The following KSR2 variants were observed in gnomAD, a reference collection of about 807,000 sequenced individuals.
The protein encoded by KSR2 is kinase suppressor of ras 2.
Under a neutral mutation model 107.8 loss-of-function variants are expected in KSR2, and 25 were observed. The observed-to-expected ratio is 0.23, with a 90% CI of 0.17 to 0.32. The LOEUF is 0.32. KSR2 is among the 10% of genes least tolerant of loss of function. The pLI, the probability that KSR2 is intolerant of heterozygous loss-of-function variation, is 1.00. For missense variants in KSR2, 887 were observed against 1,268.9 expected (o/e 0.70, Z 4.57); for synonymous variants, 480 against 507.0 (o/e 0.95, Z 0.71).
At chr12:117,721,030 G>A (rs1316479865) in intron 4 of KSR2, among the ~76,000 whole-genome samples, 1 of 152,120 alleles carries the variant, frequency 6.6e-6, no homozygotes, top group Non-Finnish European at 1.5e-5. Context: ...TGTAAGGGGA[G>A]GGGAGTTTAA....
intron 5 of KSR2, among the ~76,000 whole-genome samples, chr12:117,629,357 T>C (rs1481437317): frequency 1.3e-5 from 2 of 152,238 alleles, no homozygotes; most frequent in African/African-American, 4.8e-5. Context: ...CTTTGGTTTA[T>C]GTCAGAATAT....
intron 2 of KSR2, among the ~76,000 whole-genome samples, chr12:117,859,139 C>CTTTTTTT (rs34697963): frequency 3.7e-5 from 3 of 81,092 alleles, no homozygotes; most frequent in African/African-American, 5.7e-5. Flanking sequence ...ATGAGCTGAA[C>CTTTTTTT]TTTTTTTTTT....
chr12:117,941,983 C>T (rs540768691), intron 1 of KSR2, among the ~76,000 whole-genome samples: 1 of 152,098 alleles, frequency 6.6e-6, no homozygotes, highest in Admixed American at 6.6e-5. Flanking sequence ...GTAGAATGCT[C>T]TTTCCAAGGG....
rs532526148 is a variant in KSR2 at position 117,714,352 on chromosome 12, T to TA, written c.986+46658dup. On this transcript the variant is annotated intron_variant, in intron 4 of 19. Coordinates refer to ENST00000339824, the MANE Select transcript of KSR2 (RefSeq NM_173598.6). ...GAAAGGCAAGAAAAAAGAGCAGAGG[T>TA]AAAAAAACCTTGGGGAAGATTGCAC... Among the ~76,000 whole-genome samples the TA allele has an allele frequency of 1.2e-3, 178 of 151,536 alleles. 2 individuals are homozygous for TA. The East Asian group carries it at 0.018, about 15-fold the overall frequency.
At chr12:117,469,109 G>A (rs1871293320) in intron 19 of KSR2, among the ~76,000 whole-genome samples, 1 of 152,210 alleles carries the variant, frequency 6.6e-6, no homozygotes, top group South Asian at 2.1e-4. Context: ...ATCTCAGATA[G>A]AGCTACTGAT....
chr12:117,630,804 C>T (rs1265929518), intron 5 of KSR2, among the ~76,000 whole-genome samples: 2 of 152,126 alleles, frequency 1.3e-5, no homozygotes, highest in East Asian at 1.9e-4. Context: ...ATGAGTGGTA[C>T]CAATGAGTGG....
chr12:117,488,348 T>C (rs377384814), intron 14 of KSR2, among the ~76,000 whole-genome samples: 2 of 152,202 alleles, frequency 1.3e-5, no homozygotes, highest in Non-Finnish European at 2.9e-5. Flanking sequence ...CCCCTACACA[T>C]GCACTAGAAT....
chr12:117,904,433 G>A (rs1248592781), intron 1 of KSR2, among the ~76,000 whole-genome samples: 1 of 152,152 alleles, frequency 6.6e-6, no homozygotes, highest in African/African-American at 2.4e-5. Context: ...GTGCAGCTTG[G>A]GCCATTTGTA....
rs1891830744 is a variant in KSR2, at chr12:117,828,314, A to T, written c.472+27114T>A. ...ATGATTAGCAAAAACAGAAAGCCAC[A>T]GTCAAGTTCAGGTAGAATCCTGGTG... On this transcript the variant is annotated intron_variant, in intron 3 of 19. Coordinates refer to ENST00000339824, the MANE Select transcript of KSR2 (RefSeq NM_173598.6). Among the ~76,000 whole-genome samples the T allele has an allele frequency of 2.0e-5, 3 of 152,210 alleles. No individual in the cohort carries two copies. The South Asian group carries it at 6.2e-4, about 32-fold the overall frequency.
chr12:117,455,788 G>T lies in KSR2; in HGVS notation c.*11411C>A, dbSNP rs1870588889. The stretch of plus-strand genomic sequence containing the variant: ...CTTAGAATCCTTCGGCTGCTCAACT[G>T]TAGGCATTTGAAATCCACCAATGTA... On this transcript the variant is annotated 3_prime_UTR_variant, in exon 20 of 20. Coordinates refer to ENST00000339824, the MANE Select transcript of KSR2 (RefSeq NM_173598.6). 6.6e-6 allele frequency: 1 copy of T among 152,230 alleles called. No individual in the cohort carries two copies. The highest frequency in any genetic ancestry group is 2.4e-5 in the African/African-American group (1 of 41,452). The allele number at this position is 152,230 out of a possible 1,614,324, so 9.4% of individuals were successfully genotyped here. A position where few individuals can be genotyped will look rare whatever the true frequency, so the allele number is the denominator to read the frequency against.
In KSR2 at chr12:117,840,104, TA is replaced by T. The variant is rs200756588; in HGVS notation, c.472+15323del. The stretch of plus-strand genomic sequence containing the variant: ...TATTTTATTTTACTTTATTTTATTT[TA>T]TTTTTTTTTTTGAGATGGAGTCTCC... On this transcript the variant is annotated intron_variant, in intron 3 of 19. Coordinates refer to ENST00000339824, the MANE Select transcript of KSR2 (RefSeq NM_173598.6). Among the ~76,000 whole-genome samples the T allele has an allele frequency of 1.5e-3, 195 of 132,688 alleles. 1 individual carries two copies. The highest frequency in any genetic ancestry group is 3.9e-3 in the African/African-American group (143 of 36,514). The allele number at this position is 132,688 out of a possible 152,430, so 87.0% of individuals were successfully genotyped here.
chr12:117,553,441 C>A (rs912905046), intron 9 of KSR2, among the ~76,000 whole-genome samples: 1 of 152,118 alleles, frequency 6.6e-6, no homozygotes, highest in Non-Finnish European at 1.5e-5. Context: ...ATTCAAATTA[C>A]ATTCATTAAG....
intron 4 of KSR2, among the ~76,000 whole-genome samples, chr12:117,693,232 A>C (rs7139332): frequency 0.022 from 3,370 of 152,260 alleles, 116 homozygotes; most frequent in African/African-American, 0.076. Context: ...CAAATAAATA[A>C]AGACAAATGA....
At chr12:117,879,931 G>C (rs949601949) in intron 1 of KSR2, among the ~76,000 whole-genome samples, 3 of 152,178 alleles carry the variant, frequency 2.0e-5, no homozygotes, top group Non-Finnish European at 4.4e-5. Context: ...CAGATCACCT[G>C]AAGTCAGGAG....
intron 14 of KSR2, among the ~76,000 whole-genome samples, chr12:117,494,776 G>A (rs1356125851): frequency 6.6e-6 from 1 of 152,170 alleles, no homozygotes; most frequent in East Asian, 1.9e-4. Flanking sequence ...TGGAGTTGGG[G>A]GCATCTTTAG....
chr12:117,951,133 C>T (rs1313712185), intron 1 of KSR2, among the ~76,000 whole-genome samples: 1 of 152,076 alleles, frequency 6.6e-6, no homozygotes, highest in Non-Finnish European at 1.5e-5. Flanking sequence ...TGGTCTCGAT[C>T]TCCTGACCTC....
intron 14 of KSR2, among the ~76,000 whole-genome samples, chr12:117,520,439 C>T (rs944029167): frequency 2.7e-4 from 41 of 152,194 alleles, no homozygotes; most frequent in African/African-American, 9.7e-4. Flanking sequence ...GGCTTGGCTT[C>T]TGCTGGTTCA....
chr12:117,490,372 C>T (rs1045041107), intron 14 of KSR2, among the ~76,000 whole-genome samples: 1 of 152,212 alleles, frequency 6.6e-6, no homozygotes, highest in African/African-American at 2.4e-5. Flanking sequence ...TACAGGCTGA[C>T]ATGTCCTGGG....
In KSR2 at chr12:117,761,446, G is replaced by A. The variant is rs1189248092; in HGVS notation, c.551C>T (p.Pro184Leu). ...ETGKENNPVC[P>L]PEPTPWIRTH... ...GCGGATCCACGGGGTGGGCTCCGGG[G>A]GGCACACGGGATTGTTCTCCTTCCC... The change falls in exon 4 of 20, where the codon CCC (proline) becomes CTC (leucine). Residue 184 changes from proline (P) to leucine (L), a missense_variant. By Grantham distance (98) the Pro-to-Leu change is moderately conservative. This residue lies in a region of KSR2 where 399 missense variants were observed against 479.5 expected (regional missense o/e 0.83). Coordinates refer to ENST00000339824, the MANE Select transcript of KSR2 (RefSeq NM_173598.6). The A allele has an allele frequency of 6.2e-7, 1 of 1,613,040 alleles. No individual in the cohort carries two copies. Among genetic ancestry groups the A allele is most frequent in the Admixed American group, 1.7e-5 (1 of 59,678 alleles).
Sources: allele counts gnomAD v4.1 joint callset (sites outside exome capture counted in the v4.1 genomes callset), GRCh38; gene constraint gnomAD v4.1.1; regional missense constraint gnomAD v4.1.1; transcripts MANE v1.5; gene names NCBI Gene and HGNC (gene_info 2026-07-23, HGNC 2026-07-21).